NFATC3: variants seen among roughly 807,000 people sequenced by gnomAD.
The protein encoded by NFATC3 is nuclear factor of activated T-cells, cytoplasmic 3.
A neutral mutation model predicts 98.6 loss-of-function variants in NFATC3; 46 were observed. The observed-to-expected ratio is 0.47, with a 90% confidence interval of 0.37 to 0.60. NFATC3 has a LOEUF of 0.60. Among genes scored for constraint, NFATC3 ranks in the 20% least tolerant of loss-of-function variants. The pLI is 0.00. For synonymous variants in NFATC3, 512 were observed against 472.2 expected, an observed-to-expected ratio of 1.08 and a Z score of -1.09; for missense variants, 1,256 against 1,295.5, an observed-to-expected ratio of 0.97 and a Z score of 0.47.
At chr16:68,201,957 CAAAAAAAAAAAAA>C (rs778770193) in intron 9 of NFATC3, among the ~76,000 whole-genome samples, 2 of 23,638 alleles carry the variant, frequency 8.5e-5, no homozygotes, top group Non-Finnish European at 2.0e-4. Context: ...GACTCCATCT[CAAAAAAAAAAAAA>C]AAAAAAAAAA....
intron 1 of NFATC3, chr16:68,088,984 G>A: frequency 1.0e-6 from 1 of 985,378 alleles, no homozygotes; most frequent in South Asian, 4.7e-5. Flanking sequence ...TTAAATAAGT[G>A]AATAAATAAC....
intron 3 of NFATC3, chr16:68,138,582 G>A (rs1279375402): frequency 3.6e-5 from 46 of 1,289,008 alleles, no homozygotes; most frequent in Admixed American, 4.6e-5. Flanking sequence ...GAAAGAAGAA[G>A]GTGTATGGAA....
At chr16:68,106,553 G>A (rs568870357) in intron 1 of NFATC3, among the ~76,000 whole-genome samples, 4 of 151,996 alleles carry the variant, frequency 2.6e-5, no homozygotes, top group South Asian at 2.1e-4. Context: ...GCCTCCCAAA[G>A]TGCAGGGATT....
chr16:68,208,356 T>G (rs886264733), intron 9 of NFATC3, among the ~76,000 whole-genome samples: 2 of 152,192 alleles, frequency 1.3e-5, no homozygotes, highest in Non-Finnish European at 2.9e-5. Context: ...TGTAGAAATC[T>G]TATGCCTCTT....
At chr16:68,215,944 G>A (rs1251343778) in intron 9 of NFATC3, among the ~76,000 whole-genome samples, 1 of 152,012 alleles carries the variant, frequency 6.6e-6, no homozygotes, top group Admixed American at 6.6e-5. Flanking sequence ...TAGCCAGGAT[G>A]GTCTCGATGT....
intron 3 of NFATC3, among the ~76,000 whole-genome samples, chr16:68,133,812 A>G (rs1376388785): frequency 1.3e-5 from 2 of 150,842 alleles, no homozygotes; most frequent in Admixed American, 6.6e-5. Flanking sequence ...TTTATCTGTT[A>G]TCTTTTCATG....
chr16:68,102,243 G>C (rs1003419918), intron 1 of NFATC3, among the ~76,000 whole-genome samples: 1 of 151,550 alleles, frequency 6.6e-6, no homozygotes, highest in Non-Finnish European at 1.5e-5. Flanking sequence ...GTGGTGGTGC[G>C]TGGCTGTAAT....
At chr16:68,114,938 A>G (rs772968770) in intron 1 of NFATC3, among the ~76,000 whole-genome samples, 19 of 152,256 alleles carry the variant, frequency 1.2e-4, no homozygotes, top group Middle Eastern at 3.4e-3. Flanking sequence ...GTTGCTACCA[A>G]TGTCCTCAGT....
At chr16:68,147,888 A>G (rs575771230) in intron 3 of NFATC3, among the ~76,000 whole-genome samples, 1 of 151,872 alleles carries the variant, frequency 6.6e-6, no homozygotes, top group South Asian at 2.1e-4. Flanking sequence ...ATTATTACTT[A>G]CCCCATCTGC....
chr16:68,192,243 A>ATATG (rs2040457461), intron 9 of NFATC3: 2 of 112,688 alleles, frequency 1.8e-5, no homozygotes, highest in Non-Finnish European at 3.8e-5. Flanking sequence ...ATATATATAT[A>ATATG]TATATATATA....
intron 3 of NFATC3, among the ~76,000 whole-genome samples, chr16:68,128,193 C>T (rs2036939141): frequency 6.6e-6 from 1 of 152,200 alleles, no homozygotes; most frequent in African/African-American, 2.4e-5. Context: ...AAACTAATTA[C>T]ACTGAAGTGA....
chr16:68,198,140 C>T (rs570809303), intron 9 of NFATC3, among the ~76,000 whole-genome samples: 2 of 152,036 alleles, frequency 1.3e-5, no homozygotes, highest in East Asian at 3.9e-4. Context: ...GACAACATGG[C>T]AAAACCCTGT....
Position 68,098,304 on chromosome 16 carries a change from T to A in NFATC3, c.103+12520T>A, listed in dbSNP as rs1288594735. On this transcript the variant is annotated intron_variant, in intron 1 of 9. Coordinates refer to ENST00000346183, the MANE Select transcript of NFATC3 (RefSeq NM_173165.3). Reference sequence around the variant, plus strand: ...ATTATTATTATTATTATTATTATTTTTTTTTTTTTTTTTTTAGATGGAGTC... The same window carrying A: ...ATTATTATTATTATTATTATTATTTATTTTTTTTTTTTTTTAGATGGAGTC... Among the ~76,000 whole-genome samples, 1,102 of 124,776 alleles carry A rather than the reference T, an allele frequency of 8.8e-3. 19 individuals are homozygous for A. Among genetic ancestry groups the A allele is most frequent in the Admixed American group, 0.043 (557 of 12,984 alleles). The allele number at this position is 124,776 out of a possible 152,430, so 81.9% of individuals were successfully genotyped here. A position where few individuals can be genotyped will look rare whatever the true frequency, so the allele number is the denominator to read the frequency against.
intron 1 of NFATC3, among the ~76,000 whole-genome samples, chr16:68,112,981 C>G (rs2036063935): frequency 6.6e-6 from 1 of 152,142 alleles, no homozygotes; most frequent in Non-Finnish European, 1.5e-5. Context: ...TGGTTAACAG[C>G]TCCTGTAATG....
chr16:68,226,162 CCA>C (rs1348893911), intron 9 of NFATC3, 186 bp from the exon 10 acceptor site: 1 of 563,242 alleles, frequency 1.8e-6, no homozygotes, highest in African/African-American at 2.0e-5. Flanking sequence ...AAAAAGAGGT[CCA>C]GAGTAGTTTG....
intron 3 of NFATC3, among the ~76,000 whole-genome samples, chr16:68,135,787 G>A (rs554423498): frequency 6.2e-4 from 95 of 152,240 alleles, no homozygotes; most frequent in Non-Finnish European, 1.0e-3. Context: ...TTTAGGCTGG[G>A]TGCGGTGGCT....
chr16:68,108,965 C>G (rs2151477499), intron 1 of NFATC3, among the ~76,000 whole-genome samples: 1 of 151,758 alleles, frequency 6.6e-6, no homozygotes, highest in East Asian at 1.9e-4. Context: ...TCAGCTTAAG[C>G]TTTTGGGCTG....
intron 9 of NFATC3, 122 bp downstream of exon 9, chr16:68,191,897 G>A: frequency 9.5e-7 from 1 of 1,054,842 alleles, no homozygotes; most frequent in Non-Finnish European, 1.4e-6. Context: ...TAAATAAGTT[G>A]TTATTAGAAA....
At chr16:68,098,302 T>TATTATTATTA (rs199707898) in intron 1 of NFATC3, among the ~76,000 whole-genome samples, 36 of 119,538 alleles carry the variant, frequency 3.0e-4, no homozygotes, top group African/African-American at 8.7e-4. Context: ...TTATTATTAT[T>TATTATTATTA]TTTTTTTTTT....
Sources: gnomAD v4.1 joint callset for allele counts (sites outside exome capture counted in the v4.1 genomes callset) on GRCh38, gnomAD v4.1.1 for gene constraint, MANE v1.5 for transcripts, NCBI Gene and HGNC (gene_info 2026-07-23, HGNC 2026-07-21) for gene names.